Variants in PIP5K1C observed in about 807,000 individuals in gnomAD.
The protein encoded by PIP5K1C is phosphatidylinositol 4-phosphate 5-kinase type-1 gamma.
Under a neutral mutation model 80.1 loss-of-function variants are expected in PIP5K1C, and 45 were observed. The ratio of observed to expected loss-of-function variants is 0.56; its 90% CI spans 0.44 to 0.72. PIP5K1C has a LOEUF of 0.72. PIP5K1C is among the 30% of genes least tolerant of loss of function. The pLI is 0.00. For synonymous variants in PIP5K1C, 498 were observed against 420.1 expected, an observed-to-expected ratio of 1.19 and a Z score of -2.27; for missense variants, 753 against 954.6, an observed-to-expected ratio of 0.79 and a Z score of 2.78.
At chr19:3,660,297 G>A (rs546966737) in intron 5 of PIP5K1C, among the ~76,000 whole-genome samples, 157 of 152,030 alleles carry the variant, frequency 1.0e-3, no homozygotes, top group African/African-American at 3.6e-3. Context: ...GGAGAATGGC[G>A]TGAACCCAGG....
At position 3,667,261 on chromosome 19, in the gene PIP5K1C, A is replaced by G. The variant is rs959803852; in HGVS notation, c.126+61T>C. On this transcript the variant is annotated intron_variant, in intron 2 of 17. Transcript: ENST00000335312. ...CCCCAGGCCACACAGCTTCTCCGCG[A>G]GTAGGGAGGCAGCAGGTCAGGGTGG... 9.3e-5 allele frequency: 136 copies of G among 1,468,672 alleles called. 1 individual carries two copies. The highest frequency in any genetic ancestry group is 1.2e-4 in the Non-Finnish European group (127 of 1,056,698). 91.0% of individuals were successfully genotyped at this position (1,468,672 alleles called of 1,614,324 possible). A position where few individuals can be genotyped will look rare whatever the true frequency, so the allele number is the denominator to read the frequency against.
chr19:3,700,077 C>T (rs933829467), intron 1 of PIP5K1C, among the ~76,000 whole-genome samples: 19 of 152,048 alleles, frequency 1.2e-4, no homozygotes, highest in Non-Finnish European at 2.5e-4. Flanking sequence ...GCCCCCGGCC[C>T]GGGAGCGGTG....
chr19:3,644,042 AC>A, intron 12 of PIP5K1C, 44 bp downstream of exon 12: 3 of 1,601,056 alleles, frequency 1.9e-6, no homozygotes, highest in Non-Finnish European at 8.5e-7. Flanking sequence ...TGCTGCTGGC[AC>A]CCCCTGTAGC....
chr19:3,694,432 A>G (rs1265619031), intron 1 of PIP5K1C, among the ~76,000 whole-genome samples: 1 of 152,044 alleles, frequency 6.6e-6, no homozygotes, highest in African/African-American at 2.4e-5. Context: ...CTCTGTCCTC[A>G]GTCCTCGCCA....
At chr19:3,686,790 T>A (rs1023252790) in intron 1 of PIP5K1C, among the ~76,000 whole-genome samples, 3 of 151,928 alleles carry the variant, frequency 2.0e-5, no homozygotes, top group African/African-American at 7.2e-5. Context: ...ATGAATGTAA[T>A]AGCTAAAACT....
chr19:3,674,737 G>A lies in PIP5K1C; in HGVS notation c.95-7384C>T, dbSNP rs143505992. ...AGGATGGTCTCAATCTCTTGACCTC[G>A]TGATCTGCCCGCCTTGGCCTCCCAG... On this transcript the variant is annotated intron_variant, in intron 1 of 17. Transcript: ENST00000335312. 2.8e-3 allele frequency among the ~76,000 whole-genome samples: 420 copies of A among 152,322 alleles called. 2 individuals carry two copies. The highest frequency in any genetic ancestry group is 0.01 in the Middle Eastern group (3 of 294).
intron 5 of PIP5K1C, among the ~76,000 whole-genome samples, chr19:3,657,929 T>G (rs1395508641): frequency 6.6e-6 from 1 of 151,872 alleles, no homozygotes; most frequent in Non-Finnish European, 1.5e-5. Context: ...AGCAAGAGTG[T>G]TTAAAAAAAC....
chr19:3,676,038 G>A (rs900474580), intron 1 of PIP5K1C, among the ~76,000 whole-genome samples: 4 of 152,216 alleles, frequency 2.6e-5, no homozygotes, highest in African/African-American at 7.2e-5. Context: ...ATCCCACCCA[G>A]CCTGACCAGG....
chr19:3,673,529 G>A (rs2035273346), intron 1 of PIP5K1C, among the ~76,000 whole-genome samples: 1 of 152,212 alleles, frequency 6.6e-6, no homozygotes, highest in South Asian at 2.1e-4. Context: ...CAGGGGGCCT[G>A]CACCCCTGGG....
Position 3,661,862 on chromosome 19 carries a change from C to T in PIP5K1C, c.350+9G>A, listed in dbSNP as rs1388221987. ...GGGTGAGCCCTGAGGCTCCGGGGGC[C>T]CGGCCCACCTGGGGAAGAAGATGCT... On this transcript the variant is annotated intron_variant, in intron 4 of 17. Transcript: ENST00000335312. 1 of 1,611,000 alleles carries T rather than the reference C, an allele frequency of 6.2e-7. No homozygotes were observed. The highest frequency in any genetic ancestry group is 8.5e-7 in the Non-Finnish European group (1 of 1,179,904).
chr19:3,698,948 C>G lies in PIP5K1C; in HGVS notation c.94+1349G>C, dbSNP rs1471691346. Among the ~76,000 whole-genome samples, 13 of 149,414 alleles carry G rather than the reference C, an allele frequency of 8.7e-5. No homozygotes were observed. The East Asian group carries it at 1.4e-3, about 16-fold the overall frequency. ...CTCCCCGGCCCCCCACCCCCACCCC[C>G]CCACTCCCCCGCTCTCCCACCCCAC... On this transcript the variant is annotated intron_variant, in intron 1 of 17. Coordinates refer to ENST00000335312, the MANE Select transcript of PIP5K1C (RefSeq NM_012398.3).
intron 2 of PIP5K1C, among the ~76,000 whole-genome samples, chr19:3,666,338 G>A (rs2035007588): frequency 6.6e-6 from 1 of 152,250 alleles, no homozygotes; most frequent in Non-Finnish European, 1.5e-5. Flanking sequence ...GCCCACTGGG[G>A]CTGGGAAGAA....
chr19:3,682,596 G>T (rs930661252), intron 1 of PIP5K1C, among the ~76,000 whole-genome samples: 5 of 152,108 alleles, frequency 3.3e-5, no homozygotes, highest in African/African-American at 1.2e-4. Context: ...GGCTGCGGTG[G>T]GAAGACTGCT....
Position 3,638,864 on chromosome 19 carries a change from G to C in PIP5K1C, c.1920+20C>G. The C allele has an allele frequency of 1.2e-6, 2 of 1,612,960 alleles. No homozygotes were observed. The highest frequency in any genetic ancestry group is 1.7e-6 in the Non-Finnish European group (2 of 1,179,890). ...AGTCCGGTTGACGAGCCGGCGGCAG[G>C]AGGAGCCCGGGGCACTTACAAAGTA... On this transcript the variant is annotated intron_variant, in intron 16 of 17. Transcript: ENST00000335312.
intron 1 of PIP5K1C, among the ~76,000 whole-genome samples, chr19:3,678,382 GAATAGAT>G (rs2035464598): frequency 1.5e-5 from 2 of 133,126 alleles, no homozygotes; most frequent in Non-Finnish European, 3.2e-5. Context: ...GAGGGATGGA[GAATAGAT>G]GGATGGAGGG....
chr19:3,634,151 G>C (rs2033576744), intron 16 of PIP5K1C, among the ~76,000 whole-genome samples: 1 of 152,110 alleles, frequency 6.6e-6, no homozygotes, highest in South Asian at 2.1e-4. Flanking sequence ...TTCAGGGCTA[G>C]GCACAGGCAG....
chr19:3,645,956 G>A lies in PIP5K1C; in HGVS notation c.1345+18C>T, dbSNP rs752581065. ...TTCCCCAGGGTCCCTCCCGCCTTGC[G>A]GGGCTCAGGTGGCTTACAGGAGTTC... On this transcript the variant is annotated intron_variant, in intron 11 of 17. Coordinates refer to ENST00000335312, the MANE Select transcript of PIP5K1C (RefSeq NM_012398.3). The A allele has an allele frequency of 1.2e-5, 19 of 1,603,378 alleles. No individual in the cohort carries two copies. Among genetic ancestry groups the A allele is most frequent in the Admixed American group, 1.2e-4 (7 of 59,994 alleles).
chr19:3,698,868 A>G (rs1462217810), intron 1 of PIP5K1C, among the ~76,000 whole-genome samples: 1 of 152,078 alleles, frequency 6.6e-6, no homozygotes, highest in Non-Finnish European at 1.5e-5. Flanking sequence ...AGCTGGGGTC[A>G]GATTTCTGTG....
chr19:3,697,521 C>T (rs2036163359), intron 1 of PIP5K1C, among the ~76,000 whole-genome samples: 1 of 151,970 alleles, frequency 6.6e-6, no homozygotes, highest in African/African-American at 2.4e-5. Flanking sequence ...CCAAGCTGGA[C>T]CCGGGAGGAC....
Sources: gnomAD v4.1 joint callset for allele counts (sites outside exome capture counted in the v4.1 genomes callset) on GRCh38, gnomAD v4.1.1 for gene constraint, MANE v1.5 for transcripts, NCBI Gene and HGNC (gene_info 2026-07-23, HGNC 2026-07-21) for gene names.